The following KCNJ6 variants were observed in gnomAD, a reference collection of about 807,000 sequenced individuals.
KCNJ6 encodes G protein-activated inward rectifier potassium channel 2.
A neutral mutation model predicts 34.2 loss-of-function variants in KCNJ6; 9 were observed. That is an observed-to-expected ratio of 0.26 (90% CI 0.16 to 0.46). The LOEUF (loss-of-function observed/expected upper bound fraction) is 0.46. Ranked by LOEUF, KCNJ6 falls within the 20% of genes least tolerant of loss-of-function variation. The pLI, the probability that KCNJ6 is intolerant of heterozygous loss-of-function variation, is 1.00. For synonymous variants in KCNJ6, 196 were observed against 207.1 expected, an observed-to-expected ratio of 0.95 and a Z score of 0.46; for missense variants, 236 against 531.3, an observed-to-expected ratio of 0.44 and a Z score of 5.46.
chr21:37,658,922 C>T (rs1341210515), intron 3 of KCNJ6, among the ~76,000 whole-genome samples: 13 of 152,242 alleles, frequency 8.5e-5, no homozygotes, highest in Admixed American at 7.9e-4. Context: ...TCCCACACTT[C>T]AAAACATTAA....
intron 3 of KCNJ6, among the ~76,000 whole-genome samples, chr21:37,669,577 T>TTGTGTGTGTGTG (rs35169360): frequency 1.9e-4 from 29 of 149,192 alleles, no homozygotes; most frequent in Admixed American, 1.4e-3. Flanking sequence ...TCTGTGTGTG[T>TTGTGTGTGTGTG]TGTGTGTGTG....
At chr21:37,739,076 A>G (rs1465112943) in intron 2 of KCNJ6, among the ~76,000 whole-genome samples, 2 of 152,210 alleles carry the variant, frequency 1.3e-5, no homozygotes, top group African/African-American at 2.4e-5. Context: ...GTCTGAATAG[A>G]GATGTGCAGT....
chr21:37,828,835 G>C (rs981961345), intron 2 of KCNJ6, among the ~76,000 whole-genome samples: 2 of 152,180 alleles, frequency 1.3e-5, no homozygotes, highest in African/African-American at 4.8e-5. Flanking sequence ...TCCCTGATGA[G>C]TTAGCCATCT....
intron 2 of KCNJ6, among the ~76,000 whole-genome samples, chr21:37,727,683 AG>A (rs1338183549): frequency 2.0e-5 from 3 of 152,116 alleles, no homozygotes; most frequent in Admixed American, 1.3e-4. Flanking sequence ...CTCTGGTAGG[AG>A]GGTAGGCTCA....
At chr21:37,658,760 G>C (rs1416330901) in intron 3 of KCNJ6, among the ~76,000 whole-genome samples, 1 of 152,166 alleles carries the variant, frequency 6.6e-6, no homozygotes, top group Non-Finnish European at 1.5e-5. Context: ...TCCTCTTATT[G>C]CAGGTGAAGA....
At chr21:37,846,321 T>C (rs1460492457) in intron 1 of KCNJ6, among the ~76,000 whole-genome samples, 1 of 151,852 alleles carries the variant, frequency 6.6e-6, no homozygotes, top group East Asian at 1.9e-4. Flanking sequence ...TATAACAGTC[T>C]GACTTTAGCT....
intron 1 of KCNJ6, among the ~76,000 whole-genome samples, chr21:37,886,412 G>A (rs186877637): frequency 1.2e-4 from 19 of 152,242 alleles, no homozygotes; most frequent in East Asian, 3.9e-4. Flanking sequence ...GCTTTTCCCC[G>A]AAAGTAAGAA....
In KCNJ6 at chr21:37,714,368, C is replaced by T. The variant is rs370788384; in HGVS notation, c.789G>A (p.Gly263=). ...ACAGACGGTCATCCCCCGTGTAATA[C>T]CCTACGTTGATATCCGTCTGGTTCA... is the stretch of plus-strand genomic sequence containing the variant. ...IPLNQTDINV[G]YYTGDDRLFL... The change falls in exon 3 of 4, where the codon GGG becomes GGA. Residue 263 remains glycine (G), a synonymous_variant. Transcript: ENST00000609713. The surrounding 1 kb of genome is among the most constrained non-coding windows in gnomAD (Gnocchi z 5.9). 4 of 1,614,016 alleles carry T rather than the reference C, an allele frequency of 2.5e-6. No individual in the cohort carries two copies. The highest frequency in any genetic ancestry group is 1.3e-5 in the African/African-American group (1 of 74,906).
intron 1 of KCNJ6, among the ~76,000 whole-genome samples, chr21:37,850,562 C>G (rs1216850983): frequency 2.0e-5 from 3 of 152,026 alleles, no homozygotes; most frequent in African/African-American, 7.2e-5. Flanking sequence ...CATCCCCACC[C>G]CCTCCTCCTG....
chr21:37,780,738 T>A (rs553079765), intron 2 of KCNJ6, among the ~76,000 whole-genome samples: 1 of 152,322 alleles, frequency 6.6e-6, no homozygotes, highest in Non-Finnish European at 1.5e-5. Flanking sequence ...AATTGGATAG[T>A]TTGTAACACA....
chr21:37,704,873 G>A (rs545398515), intron 3 of KCNJ6, among the ~76,000 whole-genome samples: 39 of 151,722 alleles, frequency 2.6e-4, no homozygotes, highest in African/African-American at 5.6e-4. Flanking sequence ...TCAGCTGGCC[G>A]CACTTTGGGT....
chr21:37,788,406 T>C (rs982739977), intron 2 of KCNJ6, among the ~76,000 whole-genome samples: 1 of 152,206 alleles, frequency 6.6e-6, no homozygotes, highest in Admixed American at 6.5e-5. Flanking sequence ...GTCCTTCTTA[T>C]TCGTCCCCCC....
chr21:37,612,504 C>A lies in KCNJ6; in HGVS notation c.*12655G>T, dbSNP rs745593186. 13 of 151,968 alleles carry A rather than the reference C, an allele frequency of 8.6e-5. No individual in the cohort carries two copies. Among genetic ancestry groups the A allele is most frequent in the Non-Finnish European group, 7.4e-5 (5 of 67,990 alleles). 9.4% of individuals were successfully genotyped at this position (151,968 alleles called of 1,614,324 possible). A position where few individuals can be genotyped will look rare whatever the true frequency, so the allele number is the denominator to read the frequency against. ...TGTTGGTACCAAAAAACTGAGTCTG[C>A]AGTTTATATGGAGAAAGAAAGCTAC... On this transcript the variant is annotated 3_prime_UTR_variant, in exon 4 of 4. Coordinates refer to ENST00000609713, the MANE Select transcript of KCNJ6 (RefSeq NM_002240.5).
intron 1 of KCNJ6, among the ~76,000 whole-genome samples, chr21:37,906,534 C>G (rs1321628216): frequency 1.3e-5 from 2 of 152,188 alleles, no homozygotes. Flanking sequence ...GGTTCCTGAT[C>G]CAGTAGATCG....
chr21:37,780,560 CT>C (rs2055164438), intron 2 of KCNJ6, among the ~76,000 whole-genome samples: 1 of 147,604 alleles, frequency 6.8e-6, no homozygotes, highest in Non-Finnish European at 1.5e-5. Context: ...TAATGGGAGA[CT>C]GTGTGTGTGT....
chr21:37,870,064 A>T (rs1158244923), intron 1 of KCNJ6, among the ~76,000 whole-genome samples: 1 of 152,218 alleles, frequency 6.6e-6, no homozygotes, highest in Non-Finnish European at 1.5e-5. Context: ...AGGAGAACAC[A>T]CTTCTCTGAG....
chr21:37,698,391 G>A (rs2054673537), intron 3 of KCNJ6, among the ~76,000 whole-genome samples: 1 of 152,258 alleles, frequency 6.6e-6, no homozygotes, highest in African/African-American at 2.4e-5. Context: ...AGCGGTTCTG[G>A]CTGGGAGTGC....
intron 2 of KCNJ6, among the ~76,000 whole-genome samples, chr21:37,825,925 C>T (rs1315857084): frequency 6.6e-6 from 1 of 152,174 alleles, no homozygotes; most frequent in Non-Finnish European, 1.5e-5. Flanking sequence ...GATTCAATTA[C>T]CTCCCTCTGG....
intron 2 of KCNJ6, among the ~76,000 whole-genome samples, chr21:37,799,384 G>A (rs549267501): frequency 1.3e-4 from 20 of 152,294 alleles, no homozygotes; most frequent in Non-Finnish European, 1.8e-4. Context: ...GATGAAAGGC[G>A]GGAAGGCTGG....
Sources: allele counts gnomAD v4.1 joint callset (sites outside exome capture counted in the v4.1 genomes callset), GRCh38; gene constraint gnomAD v4.1.1; non-coding constraint Gnocchi (gnomAD v3.1); transcripts MANE v1.5; gene names NCBI Gene and HGNC (gene_info 2026-07-23, HGNC 2026-07-21).